The following ZDHHC14 variants were observed in gnomAD, a reference collection of about 807,000 sequenced individuals.
ZDHHC14 encodes the protein palmitoyltransferase ZDHHC14.
In ZDHHC14, 16 loss-of-function variants were observed where a neutral mutation model predicts 47.7. That is an observed-to-expected ratio of 0.34 (90% CI 0.23 to 0.51). The LOEUF (loss-of-function observed/expected upper bound fraction) is 0.51. Ranked by LOEUF, ZDHHC14 falls within the 20% of genes least tolerant of loss-of-function variation. The probability of loss-of-function intolerance (pLI) is 0.97; values close to 1 mark genes in which losing one functional copy is unlikely to be tolerated. For synonymous variants in ZDHHC14, 293 were observed against 278.9 expected (o/e 1.05, Z -0.50); for missense variants, 515 against 662.5 (o/e 0.78, Z 2.44).
chr6:157,536,829 T>TAG (rs1331820512), intron 1 of ZDHHC14, among the ~76,000 whole-genome samples: 2 of 46,194 alleles, frequency 4.3e-5, no homozygotes, highest in East Asian at 5.1e-4. Flanking sequence ...CTTTTTTTTT[T>TAG]TTTTTTTGAG....
At chr6:157,438,749 A>T (rs1269032451) in intron 1 of ZDHHC14, among the ~76,000 whole-genome samples, 1 of 152,240 alleles carries the variant, frequency 6.6e-6, no homozygotes, top group Admixed American at 6.5e-5. Flanking sequence ...TCTGGATGTC[A>T]TATTAAAAGC....
chr6:157,672,191 G>A (rs1363796807), intron 8 of ZDHHC14, among the ~76,000 whole-genome samples: 1 of 152,186 alleles, frequency 6.6e-6, no homozygotes, highest in Non-Finnish European at 1.5e-5. Context: ...TTTTAAGGCT[G>A]AATCAGTAAC....
intron 1 of ZDHHC14, chr6:157,529,193 A>T (rs1234549233): frequency 6.5e-6 from 1 of 154,786 alleles, no homozygotes; most frequent in African/African-American, 2.4e-5. Flanking sequence ...CTGACACTGC[A>T]GAAGTGGAGA....
At chr6:157,439,698 G>T (rs1778524480) in intron 1 of ZDHHC14, among the ~76,000 whole-genome samples, 1 of 152,048 alleles carries the variant, frequency 6.6e-6, no homozygotes, top group Non-Finnish European at 1.5e-5. Flanking sequence ...TATTACAAAG[G>T]TTCATGCATA....
chr6:157,473,161 G>A (rs1779393779), intron 1 of ZDHHC14, among the ~76,000 whole-genome samples: 1 of 152,118 alleles, frequency 6.6e-6, no homozygotes, highest in Admixed American at 6.5e-5. Context: ...TATCATTTTT[G>A]GGGAGTGGGA....
At chr6:157,639,052 G>A (rs748929791) in intron 5 of ZDHHC14, among the ~76,000 whole-genome samples, 13 of 152,280 alleles carry the variant, frequency 8.5e-5, no homozygotes, top group Non-Finnish European at 1.8e-4. Flanking sequence ...CTTTGGCTGA[G>A]CATCAAAAGG....
At chr6:157,668,637 C>CTGCAGTGAGCCAAGATCG (rs1213148717) in intron 8 of ZDHHC14, among the ~76,000 whole-genome samples, 2 of 152,072 alleles carry the variant, frequency 1.3e-5, no homozygotes, top group Non-Finnish European at 2.9e-5. Flanking sequence ...GAGGCAGAGG[C>CTGCAGTGAGCCAAGATCG]TGCAGTGAGC....
chr6:157,588,047 G>T (rs1432061866), intron 2 of ZDHHC14, among the ~76,000 whole-genome samples: 24 of 152,144 alleles, frequency 1.6e-4, no homozygotes, highest in Non-Finnish European at 5.9e-5. Flanking sequence ...CTGAGGTCAG[G>T]AGTTTGAGAC....
intron 2 of ZDHHC14, among the ~76,000 whole-genome samples, chr6:157,561,531 G>A (rs965059994): frequency 9.2e-5 from 14 of 152,164 alleles, no homozygotes; most frequent in South Asian, 6.2e-4. Context: ...CTGTCCCGGC[G>A]CTCAGATACA....
chr6:157,439,431 G>C (rs948000407), intron 1 of ZDHHC14, among the ~76,000 whole-genome samples: 29 of 152,174 alleles, frequency 1.9e-4, no homozygotes, highest in African/African-American at 6.8e-4. Flanking sequence ...CTGATCATTA[G>C]AGAAATGCAA....
At chr6:157,602,807 T>TCTG (rs1784387712) in intron 3 of ZDHHC14, among the ~76,000 whole-genome samples, 1 of 152,230 alleles carries the variant, frequency 6.6e-6, no homozygotes, top group Non-Finnish European at 1.5e-5. Flanking sequence ...CAGGCTGGGT[T>TCTG]CTGCTGCTGC....
At chr6:157,386,594 G>A (rs1379419206) in intron 1 of ZDHHC14, among the ~76,000 whole-genome samples, 1 of 152,148 alleles carries the variant, frequency 6.6e-6, no homozygotes, top group East Asian at 1.9e-4. Flanking sequence ...TCTCAAGCAA[G>A]GAGGGACTGC....
At chr6:157,587,278 C>T (rs751971055) in intron 2 of ZDHHC14, among the ~76,000 whole-genome samples, 4 of 152,212 alleles carry the variant, frequency 2.6e-5, no homozygotes, top group Non-Finnish European at 5.9e-5. Flanking sequence ...CCCATAGAGA[C>T]CTGACCTTAT....
chr6:157,437,013 C>A (rs1259276707), intron 1 of ZDHHC14, among the ~76,000 whole-genome samples: 1 of 152,064 alleles, frequency 6.6e-6, no homozygotes, highest in Non-Finnish European at 1.5e-5. Context: ...GACTTAGCAG[C>A]CACTGAAAAG....
intron 1 of ZDHHC14, among the ~76,000 whole-genome samples, chr6:157,403,704 G>A (rs940739864): frequency 1.1e-4 from 16 of 152,372 alleles, no homozygotes; most frequent in Admixed American, 5.2e-4. Flanking sequence ...TTTCTGTAGA[G>A]CTGATTAGCT....
chr6:157,579,960 G>T (rs1783454817), intron 2 of ZDHHC14, among the ~76,000 whole-genome samples: 1 of 152,168 alleles, frequency 6.6e-6, no homozygotes, highest in East Asian at 1.9e-4. Flanking sequence ...TCCTTGTCTT[G>T]TGCCAGCTTT....
intron 2 of ZDHHC14, chr6:157,592,764 T>TG (rs1783962738): frequency 7.5e-7 from 1 of 1,337,400 alleles, no homozygotes; most frequent in Non-Finnish European, 9.6e-7. Context: ...TGTGCTCCAT[T>TG]GGCCAGAGCT....
intron 1 of ZDHHC14, among the ~76,000 whole-genome samples, chr6:157,443,397 C>A (rs561035125): frequency 2.6e-5 from 4 of 152,286 alleles, no homozygotes; most frequent in Middle Eastern, 3.4e-3. Context: ...TGAAGGGGAG[C>A]ATTGTGGCAG....
intron 1 of ZDHHC14, among the ~76,000 whole-genome samples, chr6:157,512,599 A>G (rs1239015747): frequency 2.0e-5 from 3 of 152,170 alleles, no homozygotes; most frequent in African/African-American, 4.8e-5. Context: ...TCCCAGCACT[A>G]AGGAAGGCAG....
Sources: gnomAD v4.1 joint callset for allele counts (sites outside exome capture counted in the v4.1 genomes callset) on GRCh38, gnomAD v4.1.1 for gene constraint, MANE v1.5 for transcripts, NCBI Gene and HGNC (gene_info 2026-07-23, HGNC 2026-07-21) for gene names.